Variants in SLC25A48 observed in about 807,000 individuals in gnomAD.
SLC25A48 encodes CTC-321K16.1.
Under a neutral mutation model 32.2 loss-of-function variants are expected in SLC25A48, and 29 were observed. The ratio of observed to expected loss-of-function variants is 0.90; its 90% CI spans 0.67 to 1.23. The LOEUF (loss-of-function observed/expected upper bound fraction) is 1.23, where lower values mean the gene tolerates loss of function less well. Ranked by LOEUF, SLC25A48 falls within the 50% of genes most tolerant of loss-of-function variation. The probability of loss-of-function intolerance (pLI) is 0.00; values close to 1 mark genes in which losing one functional copy is unlikely to be tolerated. For synonymous variants in SLC25A48, 164 were observed against 172.3 expected, an observed-to-expected ratio of 0.95 and a Z score of 0.38; for missense variants, 399 against 422.7, an observed-to-expected ratio of 0.94 and a Z score of 0.49.
intron 3 of SLC25A48, among the ~76,000 whole-genome samples, chr5:135,686,771 A>G (rs1754029444): frequency 6.6e-6 from 1 of 152,196 alleles, no homozygotes; most frequent in Admixed American, 6.5e-5. Context: ...GGATGGATAG[A>G]TAGAGGGAAT....
chr5:135,732,782 T>C (rs1401803278), intron 3 of SLC25A48, among the ~76,000 whole-genome samples: 2 of 152,100 alleles, frequency 1.3e-5, no homozygotes, highest in African/African-American at 2.4e-5. Context: ...GGTGGAAGTT[T>C]CAGTGGGGGA....
chr5:135,872,021 GT>G, intron 5 of SLC25A48: 3 of 1,286,612 alleles, frequency 2.3e-6, no homozygotes, highest in Non-Finnish European at 3.0e-6. Flanking sequence ...TCATGGTTCA[GT>G]TTATTAAATG....
At chr5:135,604,420 C>T (rs556066371) in intron 1 of SLC25A48, among the ~76,000 whole-genome samples, 49 of 152,270 alleles carry the variant, frequency 3.2e-4, no homozygotes, top group East Asian at 1.4e-3. Context: ...GCAGATAAAT[C>T]GAGCCTTTCC....
chr5:135,623,213 A>G (rs1054183296), intron 1 of SLC25A48, among the ~76,000 whole-genome samples: 10 of 152,246 alleles, frequency 6.6e-5, no homozygotes, highest in South Asian at 2.1e-4. Flanking sequence ...GACTTTTAGC[A>G]TAAAGAGTTT....
At chr5:135,728,187 C>T (rs150008104) in intron 3 of SLC25A48, among the ~76,000 whole-genome samples, 1,492 of 148,908 alleles carry the variant, frequency 0.01, 28 homozygotes, top group African/African-American at 0.034. Flanking sequence ...ACCCAGGAGG[C>T]GGAGGTTGCA....
At chr5:135,585,067 C>G (rs1751331267) in intron 1 of SLC25A48, among the ~76,000 whole-genome samples, 1 of 152,248 alleles carries the variant, frequency 6.6e-6, no homozygotes, top group South Asian at 2.1e-4. Context: ...CTGTGCTGTG[C>G]AGGTGGCACT....
At chr5:135,734,182 G>A (rs1196855489) in intron 3 of SLC25A48, among the ~76,000 whole-genome samples, 2 of 152,100 alleles carry the variant, frequency 1.3e-5, no homozygotes, top group South Asian at 2.1e-4. Flanking sequence ...CGGTTGCCAG[G>A]GAGGGAGTGG....
chr5:135,750,698 C>A (rs1424730853), intron 3 of SLC25A48, among the ~76,000 whole-genome samples: 1 of 152,152 alleles, frequency 6.6e-6, no homozygotes, highest in Non-Finnish European at 1.5e-5. Context: ...GCTGCGCCCC[C>A]AGGTGGTAGA....
At chr5:135,716,950 A>G (rs573066511) in intron 3 of SLC25A48, among the ~76,000 whole-genome samples, 29 of 152,254 alleles carry the variant, frequency 1.9e-4, no homozygotes, top group Admixed American at 1.2e-3. Flanking sequence ...TACAACAACA[A>G]CATTGTATAC....
chr5:135,694,847 A>T (rs895552527), intron 3 of SLC25A48, among the ~76,000 whole-genome samples: 4 of 152,176 alleles, frequency 2.6e-5, no homozygotes, highest in Non-Finnish European at 5.9e-5. Flanking sequence ...TTGCCCTCCC[A>T]AAGTGCTGAG....
At chr5:135,609,062 G>T (rs552223136) in intron 1 of SLC25A48, among the ~76,000 whole-genome samples, 3 of 152,312 alleles carry the variant, frequency 2.0e-5, no homozygotes, top group Non-Finnish European at 1.5e-5. Flanking sequence ...AGGGGCATGG[G>T]TCTTAAAGTC....
chr5:135,755,056 G>A (rs1163374730), intron 3 of SLC25A48, among the ~76,000 whole-genome samples: 1 of 151,208 alleles, frequency 6.6e-6, no homozygotes, highest in Non-Finnish European at 1.5e-5. Flanking sequence ...GTGATATTAA[G>A]GAAATATTGC....
intron 3 of SLC25A48, among the ~76,000 whole-genome samples, chr5:135,676,025 G>A (rs1322862739): frequency 4.0e-5 from 6 of 151,824 alleles, no homozygotes; most frequent in East Asian, 3.9e-4. Context: ...TGGTGAACAC[G>A]AATGCTACTG....
At chr5:135,678,468 G>A (rs902047743) in intron 3 of SLC25A48, among the ~76,000 whole-genome samples, 2 of 151,914 alleles carry the variant, frequency 1.3e-5, no homozygotes, top group South Asian at 2.1e-4. Flanking sequence ...AAATTCTCTT[G>A]TATCTCACTG....
chr5:135,734,147 A>G (rs1244602007), intron 3 of SLC25A48, among the ~76,000 whole-genome samples: 2 of 152,052 alleles, frequency 1.3e-5, no homozygotes, highest in Non-Finnish European at 2.9e-5. Flanking sequence ...ATTAGGTTTT[A>G]ATGGGATAGT....
intron 3 of SLC25A48, among the ~76,000 whole-genome samples, chr5:135,851,452 G>A (rs1759857251): frequency 6.6e-6 from 1 of 152,204 alleles, no homozygotes; most frequent in African/African-American, 2.4e-5. Flanking sequence ...CCAAGCTCTG[G>A]GGTTTTGGTG....
intron 3 of SLC25A48, among the ~76,000 whole-genome samples, chr5:135,795,822 G>A (rs1451530281): frequency 6.6e-6 from 1 of 151,172 alleles, no homozygotes; most frequent in Non-Finnish European, 1.5e-5. Flanking sequence ...ATATCCAGGG[G>A]GGAGAGGGTG....
upstream of SLC25A48, among the ~76,000 whole-genome samples, chr5:135,834,403 C>T (rs1228985826): frequency 6.6e-6 from 1 of 152,264 alleles, no homozygotes; most frequent in Non-Finnish European, 1.5e-5. Flanking sequence ...TTGGAATCAG[C>T]ATTGTCAGCA....
chr5:135,712,270 A>G (rs1003252946), intron 3 of SLC25A48, among the ~76,000 whole-genome samples: 1 of 152,140 alleles, frequency 6.6e-6, no homozygotes, highest in Non-Finnish European at 1.5e-5. Flanking sequence ...TTATTTTTGG[A>G]GCAAAGAATT....
Sources: gnomAD v4.1 joint callset for allele counts (sites outside exome capture counted in the v4.1 genomes callset) on GRCh38, gnomAD v4.1.1 for gene constraint, MANE v1.5 for transcripts, NCBI Gene and HGNC (gene_info 2026-07-23, HGNC 2026-07-21) for gene names.